YRDC: variants seen among roughly 807,000 people sequenced by gnomAD.
YRDC encodes the protein threonylcarbamoyl-AMP synthase.
A neutral mutation model predicts 21.5 loss-of-function variants in YRDC; 17 were observed. The ratio of observed to expected loss-of-function variants is 0.79; its 90% CI spans 0.54 to 1.19. The LOEUF is 1.19. YRDC is among the 50% of genes most tolerant of loss of function. The probability of loss-of-function intolerance (pLI) is 0.00; values close to 1 mark genes in which losing one functional copy is unlikely to be tolerated. For synonymous variants in YRDC, 193 were observed against 176.7 expected, an observed-to-expected ratio of 1.09 and a Z score of -0.73; for missense variants, 380 against 397.1, an observed-to-expected ratio of 0.96 and a Z score of 0.37.
chr1:37,804,500 T>A, intron 3 of YRDC, 56 bp from the exon 4 acceptor site: 1 of 1,563,698 alleles, frequency 6.4e-7, no homozygotes, highest in Non-Finnish European at 8.7e-7. Context: ...TCCAATAATG[T>A]CAAACTGCAC....
chr1:37,807,797 G>C lies in YRDC; in HGVS notation c.384C>G (p.Val128=), dbSNP rs1055538540. The change falls in exon 1 of 5, where the codon GTC becomes GTG. Residue 128 remains valine (V), a synonymous_variant. Transcript: ENST00000373044. The part of the protein sequence containing the change: ...LAVCLGRVAD[V]YRYCRVRVPE... ...CCGGGTCGGGGCGGCCTTACCTGTA[G>C]ACGTCGGCCACGCGGCCGAGGCATA... The C allele has an allele frequency of 1.3e-6, 2 of 1,509,590 alleles. No homozygotes were observed. The highest frequency in any genetic ancestry group is 2.8e-5 in the African/African-American group (2 of 70,880). 93.5% of individuals were successfully genotyped at this position (1,509,590 alleles called of 1,614,324 possible).
At position 37,804,463 on chromosome 1, in the gene YRDC, A is replaced by T; in HGVS notation, c.625-19T>A. 1 of 1,606,782 alleles carries T rather than the reference A, an allele frequency of 6.2e-7. No individual in the cohort carries two copies. Among genetic ancestry groups the T allele is most frequent in the Non-Finnish European group, 8.5e-7 (1 of 1,174,728 alleles). On this transcript the variant is annotated intron_variant, in intron 3 of 4. Transcript: ENST00000373044. The stretch of plus-strand genomic sequence containing the variant: ...GGAACTCCTGAGAAGAGGGAGAAGG[A>T]AGAGCATGGACACTATCCCTGGTGT...
Position 37,803,648 on chromosome 1 carries a change from C to T in YRDC, c.*277G>A. The T allele has an allele frequency of 2.5e-6, 1 of 394,258 alleles. No individual in the cohort carries two copies. The highest frequency in any genetic ancestry group is 6.0e-5 in the South Asian group (1 of 16,680). The allele number at this position is 394,258 out of a possible 1,614,324, so 24.4% of individuals were successfully genotyped here. ...TGAAAAACAAAACAGACAGAAGAAA[C>T]TTATTAGAATAAGGCCACCTAGGAA... On this transcript the variant is annotated 3_prime_UTR_variant, in exon 5 of 5. Coordinates refer to ENST00000373044, the MANE Select transcript of YRDC (RefSeq NM_024640.4).
intron 1 of YRDC, 29 bp from the exon 2 acceptor site, chr1:37,807,244 C>T: frequency 6.2e-7 from 1 of 1,605,954 alleles, no homozygotes; most frequent in Non-Finnish European, 8.5e-7. Context: ...TAAATCCATT[C>T]AAAATTGAAG....
At position 37,807,126 on chromosome 1, in the gene YRDC, T is replaced by G. The variant is rs151327969; in HGVS notation, c.479A>C (p.Asn160Thr). The G allele has an allele frequency of 3.1e-6, 5 of 1,614,174 alleles. No homozygotes were observed. The highest frequency in any genetic ancestry group is 2.2e-5 in the South Asian group (2 of 91,084). ...AGGCGTAAAAGGGTTTAGGTCCTTG[T>G]TGAGCTCCTCCGAGCGTTCCATCAC... ...TLVMERSEEL[N>T]KDLNPFTPLV... Residue 160 changes from asparagine to threonine, a missense_variant, in exon 2 of 5, where the codon AAC (asparagine) becomes ACC (threonine). By Grantham distance (65) the Asn-to-Thr change is moderately conservative (BLOSUM62 0). Around this residue, in one of 3 missense-constraint regions of YRDC, gnomAD observed 238 missense variants for 236.5 expected, o/e 1.01. Coordinates refer to ENST00000373044, the MANE Select transcript of YRDC (RefSeq NM_024640.4).
Position 37,806,885 on chromosome 1 carries a change from C to A in YRDC, c.596G>T (p.Ser199Ile). The change falls in exon 3 of 5, where the codon AGC becomes ATC. Residue 199 changes from serine to isoleucine, a missense_variant. Transcript: ENST00000373044. ...GACATTCAGAGAACTGGCCTGGGAGCTGAGGTTGGCACTAGTGAGAGCAAG... is the reference window on the plus strand; with the variant it reads ...GACATTCAGAGAACTGGCCTGGGAGATGAGGTTGGCACTAGTGAGAGCAAG... ...GPLALTSANL[S>I]SQASSLNVEE... The A allele has an allele frequency of 6.2e-7, 1 of 1,614,158 alleles. No homozygotes were observed. The highest frequency in any genetic ancestry group is 8.5e-7 in the Non-Finnish European group (1 of 1,180,026).
At chr1:37,805,168 G>A (rs960878818) in intron 3 of YRDC, among the ~76,000 whole-genome samples, 17 of 152,324 alleles carry the variant, frequency 1.1e-4, no homozygotes, top group East Asian at 5.8e-4. Flanking sequence ...GCTGAGGCAG[G>A]AGAACTGTTT....
chr1:37,808,052 G>C lies in YRDC; in HGVS notation c.129C>G (p.Pro43=), dbSNP rs902782962. Residue 43 remains proline, a synonymous_variant, in exon 1 of 5, where the codon CCC becomes CCG. Coordinates refer to ENST00000373044, the MANE Select transcript of YRDC (RefSeq NM_024640.4). ...FRPPSPAPAA[P]GARLLRLPGS... is the part of the protein sequence containing the mutation. Reference sequence around the variant, plus strand: ...CCGGGAGCCGCAACAGCCGGGCGCCGGGGGCCGCCGGAGCGGGACTCGGCG... The same window carrying C: ...CCGGGAGCCGCAACAGCCGGGCGCCCGGGGCCGCCGGAGCGGGACTCGGCG... 9.9e-6 allele frequency: 13 copies of C among 1,316,334 alleles called. No individual in the cohort carries two copies. The Admixed American group carries it at 2.1e-4, about 21-fold the overall frequency. The allele number at this position is 1,316,334 out of a possible 1,614,324, so 81.5% of individuals were successfully genotyped here.
chr1:37,803,597 A>C lies in YRDC; in HGVS notation c.*328T>G, dbSNP rs1646715935. The C allele has an allele frequency of 3.9e-6, 1 of 255,884 alleles. No homozygotes were observed. The highest frequency in any genetic ancestry group is 2.2e-5 in the African/African-American group (1 of 45,264). The allele number at this position is 255,884 out of a possible 1,614,324, so 15.9% of individuals were successfully genotyped here. Reference sequence around the variant, plus strand: ...GAGAGGAGGCTCTCACTAGATTCTAAATCTGTTATTTAATTACTTTTCAAT... The same window carrying C: ...GAGAGGAGGCTCTCACTAGATTCTACATCTGTTATTTAATTACTTTTCAAT... On this transcript the variant is annotated 3_prime_UTR_variant, in exon 5 of 5. Transcript: ENST00000373044.
chr1:37,804,206 C>A (rs1646720533), intron 4 of YRDC, 96 bp downstream of exon 4: 2 of 1,542,756 alleles, frequency 1.3e-6, no homozygotes, highest in African/African-American at 1.4e-5. Flanking sequence ...TCCTTCAGGG[C>A]AACATAGGAG....
chr1:37,804,072 A>G (rs1646719179), intron 4 of YRDC, 75 bp from the exon 5 acceptor site: 4 of 1,565,908 alleles, frequency 2.6e-6, no homozygotes, highest in Non-Finnish European at 3.5e-6. Flanking sequence ...GTGAGCAGGG[A>G]CATCGAAACT....
At position 37,807,885 on chromosome 1, in the gene YRDC, C is replaced by G; in HGVS notation, c.296G>C (p.Cys99Ser). ...GTACACAGCGCGCAGAGCCGCCGAG[C>G]AGCTCGCCGCGCAGGCCAGGCCGTA... ...TLYGLACAAS[C>S]SAALRAVYRL... The change falls in exon 1 of 5, where the codon TGC (cysteine) becomes TCC (serine). Residue 99 changes from cysteine (C) to serine (S), a missense_variant. Cys to Ser is a moderately radical substitution (Grantham distance 112). Transcript: ENST00000373044. The G allele has an allele frequency of 6.9e-7, 1 of 1,455,206 alleles. No homozygotes were observed. The highest frequency in any genetic ancestry group is 9.1e-7 in the Non-Finnish European group (1 of 1,101,652). 90.1% of individuals were successfully genotyped at this position (1,455,206 alleles called of 1,614,324 possible).
In YRDC at chr1:37,806,891, T is replaced by C. The variant is rs1346062185; in HGVS notation, c.590A>G (p.Asn197Ser). 5.6e-6 allele frequency: 9 copies of C among 1,614,110 alleles called. No homozygotes were observed. Among genetic ancestry groups the C allele is most frequent in the Admixed American group, 3.3e-5 (2 of 60,018 alleles). ...CAGAGAACTGGCCTGGGAGCTGAGGTTGGCACTAGTGAGAGCAAGCGGACC... is the reference window on the plus strand; with the variant it reads ...CAGAGAACTGGCCTGGGAGCTGAGGCTGGCACTAGTGAGAGCAAGCGGACC... Reference protein sequence around the residue: ...FEGPLALTSANLSSQASSLNV... With the variant: ...FEGPLALTSASLSSQASSLNV... The change falls in exon 3 of 5, where the codon AAC becomes AGC. Residue 197 changes from asparagine (N) to serine (S), a missense_variant. By Grantham distance (46) the Asn-to-Ser change is conservative (BLOSUM62 1). Transcript: ENST00000373044.
At chr1:37,807,751 G>T (rs1409350386) in intron 1 of YRDC, 41 bp downstream of exon 1, 5 of 1,436,522 alleles carry the variant, frequency 3.5e-6, no homozygotes, top group Non-Finnish European at 4.6e-6. Context: ...AACCCCTCCC[G>T]CGGTGCCGCC....
chr1:37,804,070 G>A, intron 4 of YRDC, 73 bp from the exon 5 acceptor site: 1 of 1,576,196 alleles, frequency 6.3e-7, no homozygotes, highest in Non-Finnish European at 8.7e-7. Context: ...TGGTGAGCAG[G>A]GACATCGAAA....
chr1:37,807,556 G>C, intron 1 of YRDC: 1 of 810,104 alleles, frequency 1.2e-6, no homozygotes, highest in South Asian at 2.2e-5. Flanking sequence ...TCCCCAATTA[G>C]CACAAATACG....
At position 37,807,861 on chromosome 1, in the gene YRDC, T is replaced by C; in HGVS notation, c.320A>G (p.Tyr107Cys). ...ASCSAALRAV[Y>C]RLKGRSEAKP... is the part of the protein sequence containing the mutation. ...GGCCTCGCTGCGACCCTTGAGGCGG[T>C]ACACAGCGCGCAGAGCCGCCGAGCA... The change falls in exon 1 of 5, where the codon TAC (tyrosine) becomes TGC (cysteine). Residue 107 changes from tyrosine to cysteine, a missense_variant. Tyr to Cys is a radical substitution (Grantham distance 194). This residue lies in a region of YRDC where 238 missense variants were observed against 236.5 expected (regional missense o/e 1.01). Transcript: ENST00000373044. 1 of 1,490,776 alleles carries C rather than the reference T, an allele frequency of 6.7e-7. No homozygotes were observed. The highest frequency in any genetic ancestry group is 8.9e-7 in the Non-Finnish European group (1 of 1,122,608). The allele number at this position is 1,490,776 out of a possible 1,614,324, so 92.3% of individuals were successfully genotyped here. A position where few individuals can be genotyped will look rare whatever the true frequency, so the allele number is the denominator to read the frequency against.
At chr1:37,804,531 A>G in intron 3 of YRDC, 87 bp from the exon 4 acceptor site, 2 of 1,495,014 alleles carry the variant, frequency 1.3e-6, no homozygotes, top group Non-Finnish European at 1.8e-6. Context: ...AAGGCCATAT[A>G]GTCTTAAAAC....
At chr1:37,806,793 C>A (rs1646740259) in intron 3 of YRDC, 64 bp downstream of exon 3, 1 of 1,608,912 alleles carries the variant, frequency 6.2e-7, no homozygotes, top group Non-Finnish European at 8.5e-7. Context: ...ATCAATGCCA[C>A]TGATTCACAG....
Sources: allele counts gnomAD v4.1 joint callset (sites outside exome capture counted in the v4.1 genomes callset), GRCh38; gene constraint gnomAD v4.1.1; regional missense constraint gnomAD v4.1.1; transcripts MANE v1.5; gene names NCBI Gene and HGNC (gene_info 2026-07-23, HGNC 2026-07-21).